The following SVIL variants were observed in gnomAD, a reference collection of about 807,000 sequenced individuals.
The protein encoded by SVIL is archvillin.
SVIL carries 101 observed loss-of-function variants against 240.4 expected under a neutral mutation model. That is an observed-to-expected ratio of 0.42 (90% CI 0.36 to 0.50). The LOEUF is 0.50. Among genes scored for constraint, SVIL ranks in the 20% least tolerant of loss-of-function variants. The probability of loss-of-function intolerance (pLI) is 0.01; values close to 1 mark genes in which losing one functional copy is unlikely to be tolerated. For synonymous variants in SVIL, 999 were observed against 1,100.0 expected, an observed-to-expected ratio of 0.91 and a Z score of 1.82; for missense variants, 2,512 against 2,818.7, an observed-to-expected ratio of 0.89 and a Z score of 2.46.
intron 1 of SVIL, among the ~76,000 whole-genome samples, chr10:29,620,626 T>C (rs1247420): frequency 0.097 from 14,767 of 152,320 alleles, 838 homozygotes; most frequent in Admixed American, 0.14. Context: ...TTATCCCTGC[T>C]TTTTATTTTT....
chr10:29,531,338 G>C, intron 9 of SVIL, 50 bp from the exon 10 acceptor site: 1 of 1,530,020 alleles, frequency 6.5e-7, no homozygotes, highest in Non-Finnish European at 9.0e-7. Context: ...GGTGGGAGCA[G>C]AAGATCGAAA....
At chr10:29,646,215 C>G (rs563029891) in intron 3 of SVIL, among the ~76,000 whole-genome samples, 203 of 152,336 alleles carry the variant, frequency 1.3e-3, no homozygotes, top group African/African-American at 4.5e-3. Context: ...ACAGACACCC[C>G]CCTGCCCTGC....
chr10:29,535,645 G>C (rs1951691846), intron 7 of SVIL, among the ~76,000 whole-genome samples: 1 of 152,210 alleles, frequency 6.6e-6, no homozygotes, highest in African/African-American at 2.4e-5. Context: ...AGCGAGTCCA[G>C]CTATGGAAAG....
intron 1 of SVIL, among the ~76,000 whole-genome samples, chr10:29,709,017 A>C (rs1963100702): frequency 6.6e-6 from 1 of 151,660 alleles, no homozygotes; most frequent in African/African-American, 2.4e-5. Flanking sequence ...AAACACAAAA[A>C]ATTGAAGAAA....
In SVIL at chr10:29,716,235, A is replaced by C. The variant is rs558720749; in HGVS notation, c.-400+19516T>G. ...ACAAGTTATGGTGATAACTATGTAAATCATAATTGGTAATTATATCAAAAT... is the reference window on the plus strand; with the variant it reads ...ACAAGTTATGGTGATAACTATGTAACTCATAATTGGTAATTATATCAAAAT... On this transcript the variant is annotated intron_variant, in intron 1 of 35. Transcript: ENST00000375400. Among the ~76,000 whole-genome samples the C allele has an allele frequency of 4.6e-5, 7 of 152,376 alleles. No individual in the cohort carries two copies. In the South Asian group the frequency reaches 1.4e-3, roughly 32 times the overall value.
At chr10:29,689,419 G>A (rs529578651) in intron 1 of SVIL, among the ~76,000 whole-genome samples, 89 of 152,204 alleles carry the variant, frequency 5.8e-4, no homozygotes, top group African/African-American at 2.0e-3. Context: ...CGAGTAGTGG[G>A]GATTACAGGC....
At chr10:29,535,100 T>C (rs1951646813) in intron 7 of SVIL, among the ~76,000 whole-genome samples, 3 of 152,206 alleles carry the variant, frequency 2.0e-5, no homozygotes, top group Non-Finnish European at 4.4e-5. Context: ...CCCTGCTAAA[T>C]TTGATAAAAA....
At chr10:29,585,085 CCTTT>C (rs1956110499) in intron 1 of SVIL, among the ~76,000 whole-genome samples, 1 of 132,428 alleles carries the variant, frequency 7.6e-6, no homozygotes, top group East Asian at 2.5e-4. Context: ...TATTCTTCTT[CCTTT>C]TTTTTTTTTT....
chr10:29,703,430 C>T (rs1962666478), intron 1 of SVIL, among the ~76,000 whole-genome samples: 2 of 152,210 alleles, frequency 1.3e-5, no homozygotes, highest in Non-Finnish European at 1.5e-5. Context: ...ATCTTCCACC[C>T]CAAATGCATC....
At chr10:29,597,410 T>A (rs1164831795) in intron 1 of SVIL, among the ~76,000 whole-genome samples, 2 of 152,114 alleles carry the variant, frequency 1.3e-5, no homozygotes, top group Non-Finnish European at 2.9e-5. Flanking sequence ...AGTTCTTTCC[T>A]GTTCTAAATC....
intron 6 of SVIL, among the ~76,000 whole-genome samples, chr10:29,548,132 C>G (rs1952861701): frequency 1.3e-5 from 2 of 152,174 alleles, no homozygotes; most frequent in South Asian, 4.1e-4. Context: ...GTATTTCAGT[C>G]TGGATGCTCG....
chr10:29,686,670 A>T (rs571898714), intron 1 of SVIL: 3 of 152,340 alleles, frequency 2.0e-5, no homozygotes, highest in East Asian at 1.9e-4. Flanking sequence ...GAAAAGTTTT[A>T]AAAAAATCAT....
At chr10:29,515,763 AAAG>A (rs1950160199) in intron 16 of SVIL, among the ~76,000 whole-genome samples, 1 of 152,190 alleles carries the variant, frequency 6.6e-6, no homozygotes, top group South Asian at 2.1e-4. Context: ...ACCTTCTCAA[AAAG>A]AAGCTCCCAA....
chr10:29,548,238 C>T (rs895838170), intron 6 of SVIL, among the ~76,000 whole-genome samples: 5 of 152,126 alleles, frequency 3.3e-5, no homozygotes, highest in African/African-American at 1.2e-4. Context: ...CAGGTGTGCA[C>T]CCCTGTGTCC....
At chr10:29,633,515 C>T (rs529064485) in intron 1 of SVIL, among the ~76,000 whole-genome samples, 6 of 152,168 alleles carry the variant, frequency 3.9e-5, no homozygotes, top group South Asian at 2.1e-4. Context: ...CATTTTCAAA[C>T]GCCCCCTAGG....
At chr10:29,537,597 C>T (rs1951833864) in intron 6 of SVIL, among the ~76,000 whole-genome samples, 1 of 152,106 alleles carries the variant, frequency 6.6e-6, no homozygotes, top group Admixed American at 6.5e-5. Flanking sequence ...TTTACCAGCT[C>T]AAAACTTTAT....
chr10:29,473,527 T>C (rs535445672), intron 30 of SVIL: 21 of 382,248 alleles, frequency 5.5e-5, no homozygotes, highest in African/African-American at 4.4e-4. Flanking sequence ...CTCTTTGTTT[T>C]ACTTACAGTG....
intron 36 of SVIL, among the ~76,000 whole-genome samples, chr10:29,459,774 C>A (rs950293009): frequency 6.6e-6 from 1 of 152,128 alleles, no homozygotes; most frequent in Non-Finnish European, 1.5e-5. Flanking sequence ...ATTAGAAATA[C>A]ATGGAACAGA....
chr10:29,516,355 G>A lies in SVIL; in HGVS notation c.3390-3494C>T, dbSNP rs551412608. Reference sequence around the variant, plus strand: ...GAGCCAGCCCTCGGCTCCAGCCTACGGAGCACATGACGAATAACTTGAAAA... The same window carrying A: ...GAGCCAGCCCTCGGCTCCAGCCTACAGAGCACATGACGAATAACTTGAAAA... On this transcript the variant is annotated intron_variant, in intron 16 of 37. Transcript: ENST00000355867. Among the ~76,000 whole-genome samples the A allele has an allele frequency of 5.3e-5, 8 of 152,274 alleles. No individual in the cohort carries two copies. The South Asian group carries it at 1.0e-3, about 20-fold the overall frequency.
Sources: gnomAD v4.1 joint callset for allele counts (sites outside exome capture counted in the v4.1 genomes callset) on GRCh38, gnomAD v4.1.1 for gene constraint, MANE v1.5 for transcripts, NCBI Gene and HGNC (gene_info 2026-07-23, HGNC 2026-07-21) for gene names.